The following FALEC variants were observed in gnomAD, a reference collection of about 807,000 sequenced individuals.
FALEC encodes focally amplified lncRNA on chromosome 1.
chr1:150,528,509 G>C, the FALEC span, among the ~76,000 whole-genome samples: 13 of 151,776 alleles, frequency 8.6e-5, no homozygotes, highest in Non-Finnish European at 1.6e-4. Context: ...GAAACCCCCA[G>C]ATCAACACAT....
downstream of FALEC, among the ~76,000 whole-genome samples, chr1:150,518,262 T>C (rs1043525685): frequency 6.6e-6 from 1 of 152,108 alleles, no homozygotes; most frequent in African/African-American, 2.4e-5. Context: ...CCTATTTCAA[T>C]AAATAGAACA....
At chr1:150,527,343 C>T in the FALEC span, among the ~76,000 whole-genome samples, 4 of 151,938 alleles carry the variant, frequency 2.6e-5, no homozygotes, top group Non-Finnish European at 4.4e-5. Flanking sequence ...ACTGCAACCT[C>T]TGCCTCCCGG....
downstream of FALEC, among the ~76,000 whole-genome samples, chr1:150,520,683 A>G (rs1414680672): frequency 2.6e-5 from 4 of 152,084 alleles, no homozygotes; most frequent in Non-Finnish European, 4.4e-5. Context: ...ATGGAATCAG[A>G]ATAATTACAA....
downstream of FALEC, among the ~76,000 whole-genome samples, chr1:150,520,629 A>G (rs1670626353): frequency 6.6e-6 from 1 of 152,156 alleles, no homozygotes; most frequent in South Asian, 2.1e-4. Context: ...TATTGTGAAT[A>G]ATGCACAATT....
the FALEC span, among the ~76,000 whole-genome samples, chr1:150,529,566 G>T: frequency 6.6e-6 from 1 of 151,998 alleles, no homozygotes; most frequent in Non-Finnish European, 1.5e-5. Context: ...TGCTTGCCTA[G>T]CAGGGCCCAT....
At chr1:150,522,983 ATT>A (rs1174052488), downstream of FALEC, among the ~76,000 whole-genome samples, 3 of 15,920 alleles carry the variant, frequency 1.9e-4, no homozygotes, top group African/African-American at 3.1e-4. Context: ...ATATATATAT[ATT>A]TTTTTTTTTT....
the FALEC span, among the ~76,000 whole-genome samples, chr1:150,529,861 T>C: frequency 6.6e-6 from 1 of 152,184 alleles, no homozygotes; most frequent in South Asian, 2.1e-4. Context: ...CCTCCCAAAG[T>C]GCTGGGATTA....
the FALEC span, among the ~76,000 whole-genome samples, chr1:150,525,000 A>C: frequency 3.3e-5 from 5 of 151,132 alleles, no homozygotes; most frequent in Non-Finnish European, 5.9e-5. Context: ...GTCTTGAAAA[A>C]AAAAAAAAAA....
At chr1:150,522,983 A>ATATTTTT (rs1670676236), downstream of FALEC, among the ~76,000 whole-genome samples, 1 of 15,920 alleles carries the variant, frequency 6.3e-5, no homozygotes, top group African/African-American at 3.1e-4. Context: ...ATATATATAT[A>ATATTTTT]TTTTTTTTTT....
the FALEC span, among the ~76,000 whole-genome samples, chr1:150,532,784 AAG>A: frequency 4.6e-5 from 7 of 152,310 alleles, no homozygotes; most frequent in South Asian, 1.2e-3. Context: ...AAAAAAAAAA[AAG>A]GTAATTTCAG....
At chr1:150,520,929 G>A (rs1670634323), downstream of FALEC, among the ~76,000 whole-genome samples, 1 of 151,070 alleles carries the variant, frequency 6.6e-6, no homozygotes, top group African/African-American at 2.4e-5. Context: ...AGCCTCCCAT[G>A]TAGTTGGGAT....
At chr1:150,521,304 A>C (rs1670640606), downstream of FALEC, among the ~76,000 whole-genome samples, 1 of 152,202 alleles carries the variant, frequency 6.6e-6, no homozygotes, top group African/African-American at 2.4e-5. Flanking sequence ...AGAATGCCAA[A>C]GTGGTTGTAC....
chr1:150,529,023 A>AAAAAAAAAAAAAAAAAAC, the FALEC span, among the ~76,000 whole-genome samples: 1 of 149,768 alleles, frequency 6.7e-6, no homozygotes, highest in Non-Finnish European at 1.5e-5. Context: ...TAGCAAAAAA[A>AAAAAAAAAAAAAAAAAAC]AAAAAAAAAA....
chr1:150,529,026 A>AAAAAAAAAAAAAAAAAAAAC, the FALEC span, among the ~76,000 whole-genome samples: 1 of 150,630 alleles, frequency 6.6e-6, no homozygotes, highest in African/African-American at 2.4e-5. Context: ...CAAAAAAAAA[A>AAAAAAAAAAAAAAAAAAAAC]AAAAAAAAAA....
chr1:150,525,210 C>T, the FALEC span, among the ~76,000 whole-genome samples: 1 of 152,114 alleles, frequency 6.6e-6, no homozygotes, highest in Admixed American at 6.6e-5. Context: ...TCGCTTGAAC[C>T]CAGTAGGCGG....
At chr1:150,531,993 C>T in the FALEC span, among the ~76,000 whole-genome samples, 1 of 152,250 alleles carries the variant, frequency 6.6e-6, no homozygotes, top group Non-Finnish European at 1.5e-5. Context: ...CAAGCTCCGC[C>T]TCCCGGGTTC....
At chr1:150,524,816 G>T in the FALEC span, among the ~76,000 whole-genome samples, 1 of 151,872 alleles carries the variant, frequency 6.6e-6, no homozygotes, top group Non-Finnish European at 1.5e-5. Context: ...GAGTTTACAA[G>T]ATTCTGTCTC....
the FALEC span, among the ~76,000 whole-genome samples, chr1:150,529,267 C>T: frequency 1.3e-5 from 2 of 152,170 alleles, no homozygotes; most frequent in African/African-American, 2.4e-5. Context: ...AGAAACCATA[C>T]GTGTGCATTG....
the FALEC span, among the ~76,000 whole-genome samples, chr1:150,529,856 C>A: frequency 6.6e-6 from 1 of 152,168 alleles, no homozygotes; most frequent in Non-Finnish European, 1.5e-5. Flanking sequence ...CTCAGCCTCC[C>A]AAAGTGCTGG....
Sources: gnomAD v4.1 joint callset for allele counts (sites outside exome capture counted in the v4.1 genomes callset) on GRCh38, gnomAD v4.1.1 for gene constraint, MANE v1.5 for transcripts, NCBI Gene and HGNC (gene_info 2026-07-23, HGNC 2026-07-21) for gene names.